The following KLF8 variants were observed in gnomAD, a reference collection of about 807,000 sequenced individuals.
KLF8 encodes KLF transcription factor 8.
In KLF8, 10 loss-of-function variants were observed where a neutral mutation model predicts 18.2. That is an observed-to-expected ratio of 0.55 (90% CI 0.34 to 0.93). The LOEUF is 0.93. KLF8 is among the 40% of genes least tolerant of loss of function. KLF8 has a pLI of 0.02. For synonymous variants in KLF8, 109 were observed against 97.3 expected (o/e 1.12, Z -0.71); for missense variants, 264 against 277.9 (o/e 0.95, Z 0.36).
chrX:55,944,312 T>C, the KLF8 span, among the ~76,000 whole-genome samples: 11 of 108,874 alleles, frequency 1.0e-4, no homozygotes, highest in East Asian at 2.8e-4. Flanking sequence ...TGTGTCTCTG[T>C]CAGGCTTTGG....
chrX:56,282,502 T>C (rs1378858356), intron 5 of KLF8, among the ~76,000 whole-genome samples: 2 of 112,166 alleles, frequency 1.8e-5, no homozygotes, highest in Admixed American at 1.9e-4. Context: ...TCAGACTGGA[T>C]TTCATTCTGT....
chrX:56,156,648 G>A, the KLF8 span, among the ~76,000 whole-genome samples: 4 of 108,332 alleles, frequency 3.7e-5, no homozygotes, highest in South Asian at 4.2e-4. Flanking sequence ...TTGTATACAT[G>A]TGCCATGTTG....
the KLF8 span, among the ~76,000 whole-genome samples, chrX:56,157,460 G>A: frequency 1.8e-5 from 2 of 110,265 alleles, no homozygotes; most frequent in South Asian, 3.9e-4. Context: ...CTGAGGAATC[G>A]CCACACTGAC....
the KLF8 span, among the ~76,000 whole-genome samples, chrX:56,223,849 T>C: frequency 8.9e-6 from 1 of 112,608 alleles, no homozygotes; most frequent in Non-Finnish European, 1.9e-5. Context: ...CACAAGCTAT[T>C]TCTGAAGGCT....
the KLF8 span, among the ~76,000 whole-genome samples, chrX:56,139,643 C>T: frequency 1.8e-5 from 2 of 111,731 alleles, no homozygotes; most frequent in African/African-American, 3.3e-5. Flanking sequence ...TGGATTAAGA[C>T]TTGAATGTAA....
intron 5 of KLF8, among the ~76,000 whole-genome samples, chrX:56,272,166 G>C (rs970309561): frequency 9.0e-6 from 1 of 111,189 alleles, no homozygotes; most frequent in African/African-American, 3.3e-5. Context: ...GATCATGACA[G>C]CCAGATGACT....
the KLF8 span, among the ~76,000 whole-genome samples, chrX:56,082,528 C>T: frequency 1.9e-5 from 2 of 106,253 alleles, no homozygotes; most frequent in Non-Finnish European, 3.9e-5. Flanking sequence ...TTTTCTAATG[C>T]CTTAACCTAT....
the KLF8 span, among the ~76,000 whole-genome samples, chrX:56,004,474 C>A: frequency 9.0e-6 from 1 of 111,566 alleles, no homozygotes; most frequent in African/African-American, 3.3e-5. Context: ...GCTTTTAGTA[C>A]CCCTAGGCTG....
chrX:56,165,043 G>A, the KLF8 span, among the ~76,000 whole-genome samples: 7 of 101,258 alleles, frequency 6.9e-5, no homozygotes, highest in Admixed American at 1.1e-4. Flanking sequence ...GAGAATGATG[G>A]TTTCCAATTT....
At chrX:56,173,383 C>A in the KLF8 span, among the ~76,000 whole-genome samples, 1 of 111,547 alleles carries the variant, frequency 9.0e-6, no homozygotes, top group African/African-American at 3.3e-5. Context: ...TTGTTTTTGC[C>A]AGTTTCTCAA....
the KLF8 span, among the ~76,000 whole-genome samples, chrX:55,990,183 A>T: frequency 1.1e-3 from 118 of 110,563 alleles, 1 homozygote; most frequent in Non-Finnish European, 2.0e-3. Flanking sequence ...TTTTGAAGGG[A>T]TTTTTGTGTC....
chrX:55,935,714 T>A, the KLF8 span, among the ~76,000 whole-genome samples: 2 of 112,411 alleles, frequency 1.8e-5, no homozygotes. Context: ...ATAACTTTTA[T>A]AAGACTTAAA....
At chrX:56,141,905 C>G in the KLF8 span, among the ~76,000 whole-genome samples, 3 of 111,858 alleles carry the variant, frequency 2.7e-5, no homozygotes, top group African/African-American at 9.7e-5. Context: ...CAACTATTAC[C>G]AAAACTTCAC....
chrX:56,145,565 C>T, the KLF8 span, among the ~76,000 whole-genome samples: 1 of 112,013 alleles, frequency 8.9e-6, no homozygotes, highest in Non-Finnish European at 1.9e-5. Flanking sequence ...TATCCATCAA[C>T]AGATGAAAAG....
chrX:55,913,870 T>G, the KLF8 span, among the ~76,000 whole-genome samples: 1 of 111,764 alleles, frequency 8.9e-6, no homozygotes, highest in South Asian at 3.7e-4. Flanking sequence ...AACTTTTTCT[T>G]GTGGTGGTAA....
chrX:56,210,736 T>A, the KLF8 span, among the ~76,000 whole-genome samples: 3 of 109,925 alleles, frequency 2.7e-5, no homozygotes, highest in African/African-American at 9.9e-5. Context: ...ATTTTTTTTT[T>A]ACTTTTATCT....
the KLF8 span, among the ~76,000 whole-genome samples, chrX:56,206,883 C>T: frequency 8.9e-6 from 1 of 112,729 alleles, no homozygotes; most frequent in Middle Eastern, 4.6e-3. Flanking sequence ...CAAACTTCTG[C>T]CTGGACATCC....
At chrX:56,097,886 A>G in the KLF8 span, among the ~76,000 whole-genome samples, 3 of 109,382 alleles carry the variant, frequency 2.7e-5, no homozygotes, top group Non-Finnish European at 5.7e-5. Context: ...CAAAGCAAGG[A>G]TATTTGCTCT....
At chrX:56,275,782 A>G (rs903401442) in intron 5 of KLF8, among the ~76,000 whole-genome samples, 8 of 112,728 alleles carry the variant, frequency 7.1e-5, no homozygotes, top group Non-Finnish European at 1.3e-4. Flanking sequence ...TTCTGTTGAT[A>G]TGATGTATCA....
Sources: gnomAD v4.1 joint callset for allele counts (sites outside exome capture counted in the v4.1 genomes callset) on GRCh38, gnomAD v4.1.1 for gene constraint, MANE v1.5 for transcripts, NCBI Gene and HGNC (gene_info 2026-07-23, HGNC 2026-07-21) for gene names.